The following FAM216B variants were observed in gnomAD, a reference collection of about 807,000 sequenced individuals.
FAM216B encodes the protein family with sequence similarity 216 member B.
In FAM216B, 11 loss-of-function variants were observed where a neutral mutation model predicts 12.9. That is an observed-to-expected ratio of 0.86 (90% CI 0.54 to 1.42). The LOEUF (loss-of-function observed/expected upper bound fraction) is 1.42. FAM216B is among the 40% of genes most tolerant of loss of function. The pLI is 0.00. For synonymous variants in FAM216B, 52 were observed against 57.2 expected, an observed-to-expected ratio of 0.91 and a Z score of 0.41; for missense variants, 167 against 162.9, an observed-to-expected ratio of 1.02 and a Z score of -0.14.
At chr13:42,783,814 C>A in intron 1 of FAM216B, among the ~76,000 whole-genome samples, 1 of 151,952 alleles carries the variant, frequency 6.6e-6, no homozygotes, top group East Asian at 1.9e-4. Flanking sequence ...TGAATTATTC[C>A]TTAACTTCAC....
At chr13:42,785,338 C>A (rs534676357) in intron 2 of FAM216B, among the ~76,000 whole-genome samples, 1 of 152,292 alleles carries the variant, frequency 6.6e-6, no homozygotes, top group East Asian at 1.9e-4. Flanking sequence ...TTCAGGCCCA[C>A]ACAAAATGTC....
intron 2 of FAM216B, among the ~76,000 whole-genome samples, chr13:42,785,372 C>T (rs983957625): frequency 2.6e-5 from 4 of 152,232 alleles, no homozygotes; most frequent in Non-Finnish European, 4.4e-5. Flanking sequence ...TCACCTTACT[C>T]TACCTTTACA....
chr13:42,784,221 C>A, intron 2 of FAM216B, 55 bp downstream of exon 2: 1 of 1,249,094 alleles, frequency 8.0e-7, no homozygotes, highest in Non-Finnish European at 1.1e-6. Flanking sequence ...GTCTGTCTCT[C>A]CTTCAAGGTT....
intron 1 of FAM216B, among the ~76,000 whole-genome samples, chr13:42,783,764 A>G (rs1242209933): frequency 6.6e-6 from 1 of 152,102 alleles, no homozygotes; most frequent in Non-Finnish European, 1.5e-5. Flanking sequence ...AGTATGCTCT[A>G]CAACACACCT....
chr13:42,783,671 C>G (rs928542826), intron 1 of FAM216B, among the ~76,000 whole-genome samples: 1 of 151,676 alleles, frequency 6.6e-6, no homozygotes, highest in Non-Finnish European at 1.5e-5. Context: ...TCCAAATCTT[C>G]CAAAACAATA....
At chr13:42,783,255 C>T (rs966165743) in intron 1 of FAM216B, among the ~76,000 whole-genome samples, 13 of 152,196 alleles carry the variant, frequency 8.5e-5, no homozygotes, top group African/African-American at 3.1e-4. Context: ...CTGCGGTGAG[C>T]TATAGTCGCA....
rs1258347813 is a variant in FAM216B, at chr13:42,790,214, C to T, written c.*1424C>T. The T allele has an allele frequency of 6.6e-6, 1 of 152,160 alleles. No individual in the cohort carries two copies. The highest frequency in any genetic ancestry group is 1.9e-4 in the East Asian group (1 of 5,188). 9.4% of individuals were successfully genotyped at this position (152,160 alleles called of 1,614,324 possible). A position where few individuals can be genotyped will look rare whatever the true frequency, so the allele number is the denominator to read the frequency against. On this transcript the variant is annotated 3_prime_UTR_variant, in exon 4 of 4. Transcript: ENST00000313851. ...CTGGGATGAGCTGCGTGGTAGCCCTCATAAAGCAGAGAGGTTGGTGGGAGA... is the reference window on the plus strand; with the variant it reads ...CTGGGATGAGCTGCGTGGTAGCCCTTATAAAGCAGAGAGGTTGGTGGGAGA...
chr13:42,783,345 T>A (rs1873932486), intron 1 of FAM216B, among the ~76,000 whole-genome samples: 1 of 151,808 alleles, frequency 6.6e-6, no homozygotes, highest in Non-Finnish European at 1.5e-5. Context: ...TAAAAGGAAA[T>A]CAACCAAATG....
chr13:42,788,738 C>A lies in FAM216B; in HGVS notation c.368C>A (p.Ser123Tyr), dbSNP rs926350572. The A allele has an allele frequency of 1.2e-5, 20 of 1,613,762 alleles. No homozygotes were observed. The highest frequency in any genetic ancestry group is 1.4e-5 in the Non-Finnish European group (16 of 1,179,842). ...AGATGTCCATCAGTACTACCTGTAT[C>A]TGTGGTTCTACCTAGGGCCCAAAGT... Reference protein sequence around the residue: ...TRRCPSVLPVSVVLPRAQSKR... With the variant: ...TRRCPSVLPVYVVLPRAQSKR... The change falls in exon 4 of 4, where the codon TCT becomes TAT. Residue 123 changes from serine (S) to tyrosine (Y), a missense_variant. By Grantham distance (144) the Ser-to-Tyr change is moderately radical. Coordinates refer to ENST00000313851, the MANE Select transcript of FAM216B (RefSeq NM_001318932.2).
rs2138030623 is a variant in FAM216B, at chr13:42,781,664, G to T, written c.-15G>T. ...TAAAAGTGGGGGAACTACAGTATAG[G>T]GTAAGTTCTTTTTAGGCAAATCTGT... On this transcript the variant is annotated splice_region_variant and 5_prime_UTR_variant, in exon 1 of 4. Transcript: ENST00000313851. 6.6e-6 allele frequency: 1 copy of T among 152,206 alleles called. No homozygotes were observed. The highest frequency in any genetic ancestry group is 2.1e-4 in the South Asian group (1 of 4,814). 9.4% of individuals were successfully genotyped at this position (152,206 alleles called of 1,614,324 possible). A position where few individuals can be genotyped will look rare whatever the true frequency, so the allele number is the denominator to read the frequency against.
chr13:42,784,343 G>C (rs969051644), intron 2 of FAM216B, among the ~76,000 whole-genome samples, 177 bp downstream of exon 2: 3 of 151,776 alleles, frequency 2.0e-5, no homozygotes, highest in Non-Finnish European at 4.4e-5. Flanking sequence ...ATGAGCACTT[G>C]GGTAACCTCC....
At position 42,790,271 on chromosome 13, in the gene FAM216B, T is replaced by A. The variant is rs1394227796; in HGVS notation, c.*1481T>A. On this transcript the variant is annotated 3_prime_UTR_variant, in exon 4 of 4. Coordinates refer to ENST00000313851, the MANE Select transcript of FAM216B (RefSeq NM_001318932.2). ...TTGGCCTATACTAGCCTTCCCATTGTTTTCACAATGGGCCTTTTATCCCCT... is the reference window on the plus strand; with the variant it reads ...TTGGCCTATACTAGCCTTCCCATTGATTTCACAATGGGCCTTTTATCCCCT... 2 of 152,046 alleles carry A rather than the reference T, an allele frequency of 1.3e-5. No individual in the cohort carries two copies. Among genetic ancestry groups the A allele is most frequent in the African/African-American group, 4.8e-5 (2 of 41,402 alleles). 9.4% of individuals were successfully genotyped at this position (152,046 alleles called of 1,614,324 possible).
chr13:42,788,472 C>T (rs1874175692), intron 3 of FAM216B, 119 bp from the exon 4 acceptor site: 1 of 709,422 alleles, frequency 1.4e-6, no homozygotes, highest in Non-Finnish European at 2.3e-6. Context: ...ATAATCTGGG[C>T]ATGCTTACCA....
At chr13:42,788,117 A>G (rs927782695) in intron 3 of FAM216B, among the ~76,000 whole-genome samples, 1 of 152,180 alleles carries the variant, frequency 6.6e-6, no homozygotes, top group Non-Finnish European at 1.5e-5. Context: ...CATAAAATCC[A>G]CCAGGTACCT....
At chr13:42,785,623 C>G (rs562960566) in intron 2 of FAM216B, among the ~76,000 whole-genome samples, 24 of 152,086 alleles carry the variant, frequency 1.6e-4, no homozygotes, top group Non-Finnish European at 3.2e-4. Flanking sequence ...TGTTGAGCAC[C>G]GTATATAATG....
At chr13:42,786,988 G>A in intron 3 of FAM216B, 105 bp downstream of exon 3, 2 of 1,513,318 alleles carry the variant, frequency 1.3e-6, no homozygotes, top group African/African-American at 1.4e-5. Flanking sequence ...GCATCTACTG[G>A]CGTGCTATTT....
At chr13:42,782,606 A>G (rs1873899359) in intron 1 of FAM216B, among the ~76,000 whole-genome samples, 1 of 152,218 alleles carries the variant, frequency 6.6e-6, no homozygotes, top group Admixed American at 6.5e-5. Context: ...CAAAGGAGTA[A>G]GCAGAGGGGA....
chr13:42,786,239 C>T (rs1874081645), intron 2 of FAM216B, among the ~76,000 whole-genome samples: 1 of 152,168 alleles, frequency 6.6e-6, no homozygotes, highest in Non-Finnish European at 1.5e-5. Context: ...TCATCTAAGA[C>T]TCAGATAAGA....
intron 2 of FAM216B, 87 bp from the exon 3 acceptor site, chr13:42,786,676 T>G: frequency 6.8e-7 from 1 of 1,461,628 alleles, no homozygotes; most frequent in Non-Finnish European, 9.1e-7. Flanking sequence ...AAGCCTCTTA[T>G]TTCCATAAAA....
Sources: gnomAD v4.1 joint callset for allele counts (sites outside exome capture counted in the v4.1 genomes callset) on GRCh38, gnomAD v4.1.1 for gene constraint, MANE v1.5 for transcripts, NCBI Gene and HGNC (gene_info 2026-07-23, HGNC 2026-07-21) for gene names.